ZNF765: variants seen among roughly 807,000 people sequenced by gnomAD.
The protein encoded by ZNF765 is zinc finger protein 765.
Under a neutral mutation model 44.7 loss-of-function variants are expected in ZNF765, and 37 were observed. The ratio of observed to expected loss-of-function variants is 0.83; its 90% confidence interval spans 0.64 to 1.09. The LOEUF is 1.09. ZNF765 is among the 50% of genes least tolerant of loss of function. The pLI is 0.00. For synonymous variants in ZNF765, 201 were observed against 213.7 expected, an observed-to-expected ratio of 0.94 and a Z score of 0.52; for missense variants, 594 against 626.1, an observed-to-expected ratio of 0.95 and a Z score of 0.55.
chr19:53,405,370 C>T (rs1163137474), intron 3 of ZNF765, among the ~76,000 whole-genome samples: 3 of 152,012 alleles, frequency 2.0e-5, no homozygotes, highest in African/African-American at 7.3e-5. Flanking sequence ...AAAATCATGC[C>T]ACTACACTCC....
intron 1 of ZNF765, 84 bp from the exon 2 acceptor site, chr19:53,397,859 G>A: frequency 7.7e-7 from 1 of 1,307,110 alleles, no homozygotes; most frequent in Admixed American, 2.3e-5. Flanking sequence ...TCCTCAGGAT[G>A]AGGTCTCCTT....
At chr19:53,420,800 G>A (rs986713786) in intron 3 of ZNF765, among the ~76,000 whole-genome samples, 5 of 152,046 alleles carry the variant, frequency 3.3e-5, no homozygotes, top group Non-Finnish European at 7.4e-5. Context: ...CTCCAGTCTC[G>A]AGTACCCAGG....
chr19:53,409,328 T>G lies in ZNF765; in HGVS notation c.*201T>G, dbSNP rs1414759760. The G allele has an allele frequency of 2.3e-6, 2 of 858,490 alleles. No homozygotes were observed. Among genetic ancestry groups the G allele is most frequent in the East Asian group, 4.9e-5 (2 of 41,038 alleles). 53.2% of individuals were successfully genotyped at this position (858,490 alleles called of 1,614,324 possible). A position where few individuals can be genotyped will look rare whatever the true frequency, so the allele number is the denominator to read the frequency against. On this transcript the variant is annotated 3_prime_UTR_variant, in exon 4 of 4. Coordinates refer to ENST00000396408, the MANE Select transcript of ZNF765 (RefSeq NM_001040185.3). Reference sequence around the variant, plus strand: ...GCAAGACCTTGAGTCATACGTCATCTTTTGTGTACCATCATAAACTTCATA... The same window carrying G: ...GCAAGACCTTGAGTCATACGTCATCGTTTGTGTACCATCATAAACTTCATA...
downstream of ZNF765, chr19:53,413,143 C>T (rs1272424786): frequency 1.9e-6 from 1 of 514,880 alleles, no homozygotes; most frequent in Non-Finnish European, 3.7e-6. Context: ...CAAGCCTCTT[C>T]TCTTCCTCTC....
intron 1 of ZNF765, among the ~76,000 whole-genome samples, chr19:53,397,378 C>T (rs1391248612): frequency 2.0e-5 from 3 of 152,194 alleles, no homozygotes; most frequent in Non-Finnish European, 4.4e-5. Context: ...TGCGGTTAAG[C>T]GTGTAAACTT....
intron 3 of ZNF765, among the ~76,000 whole-genome samples, chr19:53,417,134 TAA>T (rs2085880092): frequency 6.6e-6 from 1 of 152,158 alleles, no homozygotes; most frequent in Admixed American, 6.6e-5. Context: ...CTTTCATTTT[TAA>T]AAGACTTTTA....
chr19:53,424,322 A>T (rs1194069115), exon 4 of ZNF765: 1 of 151,624 alleles, frequency 6.6e-6, no homozygotes, highest in East Asian at 1.9e-4. Flanking sequence ...AAAAGAAAAA[A>T]CATTAGCCAG....
downstream of ZNF765, among the ~76,000 whole-genome samples, chr19:53,413,930 C>CAA (rs386389261): frequency 0.033 from 2,651 of 79,730 alleles, 273 homozygotes; most frequent in African/African-American, 0.12. Context: ...GCTAGAAAGA[C>CAA]AAAAAAAAAA....
Position 53,409,713 on chromosome 19 carries a change from G to A in ZNF765, c.*586G>A, listed in dbSNP as rs2085815568. 2 of 1,011,854 alleles carry A rather than the reference G, an allele frequency of 2.0e-6. No homozygotes were observed. The highest frequency in any genetic ancestry group is 1.7e-5 in the Admixed American group (1 of 57,730). 62.7% of individuals were successfully genotyped at this position (1,011,854 alleles called of 1,614,324 possible). A position where few individuals can be genotyped will look rare whatever the true frequency, so the allele number is the denominator to read the frequency against. On this transcript the variant is annotated 3_prime_UTR_variant, in exon 4 of 4. Coordinates refer to ENST00000396408, the MANE Select transcript of ZNF765 (RefSeq NM_001040185.3). ...AGGATACCTTACAAATGTAATGAGT[G>A]TGGCAAGACCTTTAGTCAGAACTCA... is the stretch of plus-strand genomic sequence containing the variant.
intron 3 of ZNF765, among the ~76,000 whole-genome samples, chr19:53,417,364 G>A (rs1762175241): frequency 6.6e-6 from 1 of 152,048 alleles, no homozygotes; most frequent in Admixed American, 6.6e-5. Context: ...CCTCTTATAA[G>A]TGAGAACATG....
intron 2 of ZNF765, 148 bp from the exon 3 acceptor site, chr19:53,401,917 A>G: frequency 7.6e-6 from 12 of 1,575,946 alleles, no homozygotes; most frequent in Non-Finnish European, 9.6e-6. Context: ...AACTGGGAAG[A>G]CAAAATGCGG....
downstream of ZNF765, among the ~76,000 whole-genome samples, chr19:53,413,604 T>G (rs1289260483): frequency 3.9e-5 from 3 of 77,484 alleles, no homozygotes; most frequent in East Asian, 4.7e-4. Flanking sequence ...TTTTAGGTTT[T>G]TTTTTTTTTT....
At position 53,410,854 on chromosome 19, in the gene ZNF765, GC is replaced by G; in HGVS notation, c.*1728del. On this transcript the variant is annotated 3_prime_UTR_variant, in exon 4 of 4. Transcript: ENST00000396408. ...GAGAAACCTCACAAGTGTGATGATTGCGGCAAAGCCTTTAATTCACATTCAC... is the reference window on the plus strand; with the variant it reads ...GAGAAACCTCACAAGTGTGATGATTGGGCAAAGCCTTTAATTCACATTCAC... 2.1e-6 allele frequency: 1 copy of G among 479,364 alleles called. No homozygotes were observed. The allele number at this position is 479,364 out of a possible 1,614,324, so 29.7% of individuals were successfully genotyped here.
rs752212981 is a variant in ZNF765 at position 53,408,966 on chromosome 19, T to C, written c.1411T>C (p.Cys471Arg). Residue 471 changes from cysteine (C) to arginine (R), a missense_variant, in exon 4 of 4, where the codon TGT becomes CGT. Cys to Arg is a radical substitution (Grantham distance 180). Around this residue, in one of 2 missense-constraint regions of ZNF765, gnomAD observed 567 missense variants for 572.6 expected, o/e 0.99. Transcript: ENST00000396408. ...AGAGAATCCTTACAAGTGTAATGAG[T>C]GTGGCAAGACCTTCAGCCGGACGTC... The part of the protein sequence containing the change: ...TEENPYKCNE[C>R]GKTFSRTSSL... The C allele has an allele frequency of 3.1e-6, 5 of 1,603,736 alleles. No individual in the cohort carries two copies. In the African/African-American group the frequency reaches 6.7e-5, roughly 22 times the overall value.
At chr19:53,404,117 G>A (rs771937729) in intron 3 of ZNF765, among the ~76,000 whole-genome samples, 24 of 151,952 alleles carry the variant, frequency 1.6e-4, no homozygotes, top group Non-Finnish European at 2.9e-4. Context: ...TGTTCTTGTC[G>A]CCCATGCTGG....
In ZNF765 at chr19:53,423,022, G is replaced by A. The variant is rs753678002; in HGVS notation, c.143-40G>A. ...GCAGCTTTTGGGTTTAGGCATTTCCGGAGTGATTCTGGATGTAAATTTCTT... is the reference window on the plus strand; with the variant it reads ...GCAGCTTTTGGGTTTAGGCATTTCCAGAGTGATTCTGGATGTAAATTTCTT... On this transcript the variant is annotated intron_variant, in intron 3 of 3. Coordinates refer to the ZNF765 transcript ENST00000594030. 33 of 687,714 alleles carry A rather than the reference G, an allele frequency of 4.8e-5. No homozygotes were observed. In the Middle Eastern group the frequency reaches 1.9e-3, roughly 39 times the overall value. 42.6% of individuals were successfully genotyped at this position (687,714 alleles called of 1,614,324 possible). A position where few individuals can be genotyped will look rare whatever the true frequency, so the allele number is the denominator to read the frequency against.
At chr19:53,400,325 T>C (rs1278898999) in intron 2 of ZNF765, among the ~76,000 whole-genome samples, 4 of 152,302 alleles carry the variant, frequency 2.6e-5, no homozygotes, top group Middle Eastern at 3.4e-3. Context: ...CAAATGGGCC[T>C]TTGCAACTTT....
At position 53,410,410 on chromosome 19, in the gene ZNF765, G is replaced by T; in HGVS notation, c.*1283G>T. ...AAGACACAGGAGAATTCCTACTGGAGAGATAGCATAAAAATGTAAGAGTTT... is the reference window on the plus strand; with the variant it reads ...AAGACACAGGAGAATTCCTACTGGATAGATAGCATAAAAATGTAAGAGTTT... On this transcript the variant is annotated 3_prime_UTR_variant, in exon 4 of 4. Transcript: ENST00000396408. 3.0e-6 allele frequency: 1 copy of T among 334,476 alleles called. No homozygotes were observed. The allele number at this position is 334,476 out of a possible 1,614,324, so 20.7% of individuals were successfully genotyped here. A position where few individuals can be genotyped will look rare whatever the true frequency, so the allele number is the denominator to read the frequency against.
At chr19:53,397,827 C>T (rs541951212) in intron 1 of ZNF765, 116 bp from the exon 2 acceptor site, 2 of 1,063,418 alleles carry the variant, frequency 1.9e-6, no homozygotes, top group Non-Finnish European at 2.6e-6. Flanking sequence ...CTGGTGTGGT[C>T]GGCAGCATAG....
Sources: gnomAD v4.1 joint callset for allele counts (sites outside exome capture counted in the v4.1 genomes callset) on GRCh38, gnomAD v4.1.1 for gene constraint, gnomAD v4.1.1 regional missense constraint, MANE v1.5 for transcripts, NCBI Gene and HGNC (gene_info 2026-07-23, HGNC 2026-07-21) for gene names.